Variants in MBP observed in about 807,000 individuals in gnomAD.
MBP encodes Golli-MBP.
Under a neutral mutation model 35.8 loss-of-function variants are expected in MBP, and 16 were observed. The ratio of observed to expected loss-of-function variants is 0.45; its 90% confidence interval spans 0.30 to 0.68. The LOEUF (loss-of-function observed/expected upper bound fraction) is 0.68. MBP is among the 30% of genes least tolerant of loss of function. MBP has a pLI of 0.08. For missense variants in MBP, 380 were observed against 404.7 expected (o/e 0.94, Z 0.52); for synonymous variants, 143 against 159.6 (o/e 0.90, Z 0.78).
intron 1 of MBP, among the ~76,000 whole-genome samples, chr18:77,119,739 G>A (rs1599277140): frequency 6.6e-6 from 1 of 152,188 alleles, no homozygotes; most frequent in African/African-American, 2.4e-5. Flanking sequence ...GGAGGGACAA[G>A]GGACACCCCA....
chr18:77,063,996 T>A (rs531184848), intron 3 of MBP, among the ~76,000 whole-genome samples: 226 of 152,278 alleles, frequency 1.5e-3, no homozygotes, highest in Non-Finnish European at 2.7e-3. Context: ...GCTAGGGGAA[T>A]AATGATAAAG....
At chr18:77,095,891 C>A (rs999470219) in intron 2 of MBP, among the ~76,000 whole-genome samples, 2 of 152,220 alleles carry the variant, frequency 1.3e-5, no homozygotes, top group Admixed American at 1.3e-4. Flanking sequence ...CCTGAGGACA[C>A]CTCCGTCAGC....
chr18:77,026,581 T>C (rs1257157292), intron 3 of MBP, among the ~76,000 whole-genome samples: 2 of 152,182 alleles, frequency 1.3e-5, no homozygotes, highest in Non-Finnish European at 2.9e-5. Context: ...TAAGGGATCA[T>C]CCAAATATAA....
intron 2 of MBP, chr18:77,068,931 C>A (rs921702476): frequency 2.2e-6 from 1 of 458,682 alleles, no homozygotes; most frequent in Non-Finnish European, 4.4e-6. Context: ...GCCGCCACCA[C>A]GGAGCTGAGC....
intron 2 of MBP, among the ~76,000 whole-genome samples, chr18:77,082,485 A>G (rs1338461376): frequency 6.6e-6 from 1 of 152,186 alleles, no homozygotes; most frequent in African/African-American, 2.4e-5. Flanking sequence ...GTGGCTGCTC[A>G]TAGGTATGGA....
intron 4 of MBP, among the ~76,000 whole-genome samples, chr18:76,997,849 T>A (rs1025865412): frequency 9.9e-5 from 15 of 151,958 alleles, no homozygotes; most frequent in Admixed American, 2.6e-4. Context: ...GCCCGGCTGA[T>A]TTTTTTGTAT....
chr18:77,028,551 T>C lies in MBP; in HGVS notation c.140-11283A>G, dbSNP rs111802185. On this transcript the variant is annotated intron_variant, in intron 3 of 8. Coordinates refer to ENST00000355994, the MANE Select transcript of MBP (RefSeq NM_001025101.2). ...GTGGCCGGGCAGAGGGGCTCCTCACTTCCCAGTAGGGGCGGCCGGGCAGAG... is the reference window on the plus strand; with the variant it reads ...GTGGCCGGGCAGAGGGGCTCCTCACCTCCCAGTAGGGGCGGCCGGGCAGAG... Among the ~76,000 whole-genome samples the C allele has an allele frequency of 4.2e-3, 387 of 93,140 alleles. 3 individuals carry two copies. Among genetic ancestry groups the C allele is most frequent in the African/African-American group, 0.011 (363 of 32,470 alleles). 61.1% of individuals were successfully genotyped at this position (93,140 alleles called of 152,430 possible). A position where few individuals can be genotyped will look rare whatever the true frequency, so the allele number is the denominator to read the frequency against.
intron 2 of MBP, among the ~76,000 whole-genome samples, chr18:77,067,639 C>T (rs59444395): frequency 0.054 from 8,214 of 152,254 alleles, 238 homozygotes; most frequent in South Asian, 0.11. Flanking sequence ...TGTGGGCAGC[C>T]GCGCTGGCCC....
At chr18:77,072,345 AATTC>A (rs1974486994) in intron 2 of MBP, among the ~76,000 whole-genome samples, 2 of 152,174 alleles carry the variant, frequency 1.3e-5, no homozygotes, top group Non-Finnish European at 2.9e-5. Flanking sequence ...AGACAGATCT[AATTC>A]ACCCAGATAT....
chr18:76,998,528 G>A (rs558900148), intron 4 of MBP, among the ~76,000 whole-genome samples: 1 of 137,674 alleles, frequency 7.3e-6, no homozygotes, highest in East Asian at 2.0e-4. Context: ...ACATTCCCAT[G>A]CCCTCGGGTG....
chr18:77,108,661 C>T (rs947833810), intron 1 of MBP: 1 of 152,234 alleles, frequency 6.6e-6, no homozygotes, highest in African/African-American at 2.4e-5. Context: ...TACTAGGAAG[C>T]AGTCCACTGT....
intron 2 of MBP, among the ~76,000 whole-genome samples, chr18:77,073,320 T>C (rs1974523597): frequency 6.6e-6 from 1 of 152,168 alleles, no homozygotes; most frequent in South Asian, 2.1e-4. Context: ...CAGTGGCACA[T>C]TTGAGATTTT....
At chr18:77,104,621 A>G (rs1471725889) in intron 2 of MBP, among the ~76,000 whole-genome samples, 1 of 152,226 alleles carries the variant, frequency 6.6e-6, no homozygotes, top group East Asian at 1.9e-4. Context: ...GCTAAAAGAA[A>G]GTCTGATGTG....
chr18:77,119,267 G>T (rs1212092875), intron 1 of MBP, among the ~76,000 whole-genome samples: 1 of 152,140 alleles, frequency 6.6e-6, no homozygotes, highest in Non-Finnish European at 1.5e-5. Context: ...AAGAGCCACT[G>T]TGTCACTGCC....
chr18:77,030,398 C>T (rs73479251), intron 3 of MBP, among the ~76,000 whole-genome samples: 2,729 of 152,142 alleles, frequency 0.018, 82 homozygotes, highest in African/African-American at 0.061. Context: ...CACACAGGGA[C>T]GGGAAGGGAC....
intron 7 of MBP, chr18:76,987,701 C>T (rs1026268601): frequency 4.8e-5 from 48 of 992,190 alleles, no homozygotes; most frequent in South Asian, 8.8e-5. Context: ...ATCTACAATA[C>T]GTTGGTGGTT....
At chr18:77,081,819 T>TATATATACACACACTATATACACACAC (rs1555726071) in intron 2 of MBP, among the ~76,000 whole-genome samples, 2 of 76,264 alleles carry the variant, frequency 2.6e-5, no homozygotes, top group African/African-American at 8.3e-5. Flanking sequence ...CACACATATA[T>TATATATACACACACTATATACACACAC]ACACACACAC....
At chr18:76,990,157 A>AT (rs35688328) in intron 4 of MBP, 97 bp from the exon 5 acceptor site, 129,869 of 597,870 alleles carry the variant, frequency 0.22, 6,910 homozygotes, top group African/African-American at 0.43. Flanking sequence ...TGTAATCTGG[A>AT]TTTTTTTTTT....
intron 1 of MBP, among the ~76,000 whole-genome samples, chr18:77,124,671 A>AGGGCTTT (rs1315978030): frequency 6.6e-6 from 1 of 152,198 alleles, no homozygotes; most frequent in Non-Finnish European, 1.5e-5. Flanking sequence ...GATAGGAGAT[A>AGGGCTTT]GGGCTTTGGG....
Sources: gnomAD v4.1 joint callset for allele counts (sites outside exome capture counted in the v4.1 genomes callset) on GRCh38, gnomAD v4.1.1 for gene constraint, MANE v1.5 for transcripts, NCBI Gene and HGNC (gene_info 2026-07-23, HGNC 2026-07-21) for gene names.